Variants in NCKIPSD observed in about 807,000 individuals in gnomAD.
The protein encoded by NCKIPSD is NCK interacting protein with SH3 domain.
NCKIPSD carries 48 observed loss-of-function variants against 73.4 expected under a neutral mutation model. The observed-to-expected ratio is 0.65, with a 90% CI of 0.52 to 0.83. The LOEUF is 0.83. NCKIPSD is among the 40% of genes least tolerant of loss of function. The pLI is 0.00. For synonymous variants in NCKIPSD, 422 were observed against 403.6 expected, an observed-to-expected ratio of 1.05 and a Z score of -0.54; for missense variants, 884 against 970.2, an observed-to-expected ratio of 0.91 and a Z score of 1.18.
chr3:48,684,518 A>G (rs1033312098), intron 1 of NCKIPSD, among the ~76,000 whole-genome samples: 6 of 152,224 alleles, frequency 3.9e-5, no homozygotes, highest in African/African-American at 1.4e-4. Context: ...CCCAGGGCCC[A>G]TCCTTCCTGG....
At position 48,682,935 on chromosome 3, in the gene NCKIPSD, G is replaced by T. The variant is rs1405800991; in HGVS notation, c.249C>A (p.Gly83=). 2 of 1,552,892 alleles carry T rather than the reference G, an allele frequency of 1.3e-6. No individual in the cohort carries two copies. Among genetic ancestry groups the T allele is most frequent in the Non-Finnish European group, 1.7e-6 (2 of 1,148,454 alleles). Residue 83 remains glycine (G), a synonymous_variant, in exon 2 of 13, where the codon GGC becomes GGA. Transcript: ENST00000294129. Reference sequence around the variant, plus strand: ...CTCCACGCTGTTCCAGGCTGTACTTGCCACCATCCCGCATGGCTGTGTTGT... The same window carrying T: ...CTCCACGCTGTTCCAGGCTGTACTTTCCACCATCCCGCATGGCTGTGTTGT... ...AVHNTAMRDG[G]KYSLEQRGVL... is the part of the protein sequence containing the mutation.
Position 48,681,651 on chromosome 3 carries a change from G to A in NCKIPSD, c.728C>T (p.Pro243Leu). The A allele has an allele frequency of 6.2e-7, 1 of 1,611,414 alleles. No individual in the cohort carries two copies. The highest frequency in any genetic ancestry group is 1.1e-5 in the South Asian group (1 of 90,762). Residue 243 changes from proline to leucine, a missense_variant, in exon 5 of 13, where the codon CCC (proline) becomes CTC (leucine). Transcript: ENST00000294129. ...SEPGSSCSPTPPPVPRRGTHT... is the reference protein window; with the variant it reads ...SEPGSSCSPTLPPVPRRGTHT... ...GGTGCCTCGGCGGGGCACAGGTGGG[G>A]GTGTGGGTGAGCAGCTGGAGCCTGG... is the stretch of plus-strand genomic sequence containing the variant.
chr3:48,683,341 C>T (rs1020820549), intron 1 of NCKIPSD, among the ~76,000 whole-genome samples: 2 of 152,184 alleles, frequency 1.3e-5, no homozygotes, highest in Non-Finnish European at 2.9e-5. Flanking sequence ...CAGCTTGCAG[C>T]CAGGAGCGCA....
At chr3:48,685,063 G>T (rs1013294249) in intron 1 of NCKIPSD, among the ~76,000 whole-genome samples, 2 of 151,406 alleles carry the variant, frequency 1.3e-5, no homozygotes, top group African/African-American at 4.9e-5. Context: ...AGGTGTCTAT[G>T]GCTCTAGGGT....
chr3:48,678,172 TC>T (rs2077283567), intron 12 of NCKIPSD, among the ~76,000 whole-genome samples: 2 of 152,086 alleles, frequency 1.3e-5, no homozygotes, highest in South Asian at 4.1e-4. Context: ...CCCCACCCCA[TC>T]CATGCCACCT....
At position 48,685,816 on chromosome 3, in the gene NCKIPSD, G is replaced by T; in HGVS notation, c.-9C>A. 1 of 1,469,874 alleles carries T rather than the reference G, an allele frequency of 6.8e-7. No homozygotes were observed. The highest frequency in any genetic ancestry group is 8.9e-7 in the Non-Finnish European group (1 of 1,118,882). The allele number at this position is 1,469,874 out of a possible 1,614,324, so 91.1% of individuals were successfully genotyped here. On this transcript the variant is annotated 5_prime_UTR_variant, in exon 1 of 13. Coordinates refer to ENST00000294129, the MANE Select transcript of NCKIPSD (RefSeq NM_016453.4). ...TACAGCGCGCGGTACATGAGGCCGG[G>T]CAGGGCAGGTGCAGGGAAGGTGGCA...
At position 48,679,194 on chromosome 3, in the gene NCKIPSD, G is replaced by A. The variant is rs1349830114; in HGVS notation, c.1571-11C>T. On this transcript the variant is annotated splice_polypyrimidine_tract_variant and intron_variant, in intron 9 of 12. Transcript: ENST00000294129. ...GCGTGCCCAGGTGCTCTGGGAGAGG[G>A]GCGCACAGAAGTCTGCAGCCCCATT... 1.2e-6 allele frequency: 2 copies of A among 1,613,666 alleles called. No individual in the cohort carries two copies. Among genetic ancestry groups the A allele is most frequent in the Admixed American group, 1.7e-5 (1 of 59,970 alleles).
At chr3:48,680,378 A>AG in intron 5 of NCKIPSD, 149 bp from the exon 6 acceptor site, 1 of 868,966 alleles carries the variant, frequency 1.2e-6, no homozygotes, top group Non-Finnish European at 1.7e-6. Flanking sequence ...GCTCAACTCC[A>AG]GTCTTGATGA....
Position 48,682,881 on chromosome 3 carries a change from C to A in NCKIPSD, c.281+22G>T, listed in dbSNP as rs1485729362. 2.0e-6 allele frequency: 3 copies of A among 1,538,276 alleles called. No homozygotes were observed. The South Asian group carries it at 3.6e-5, about 18-fold the overall frequency. On this transcript the variant is annotated intron_variant, in intron 2 of 12. Transcript: ENST00000294129. ...CCACCATGCTCACCGGGAGGTCCCACTTCACTCCCCTCAACACTCACTGGA... is the reference window on the plus strand; with the variant it reads ...CCACCATGCTCACCGGGAGGTCCCAATTCACTCCCCTCAACACTCACTGGA...
intron 6 of NCKIPSD, 49 bp downstream of exon 6, chr3:48,680,010 G>C (rs756741978): frequency 6.2e-7 from 1 of 1,602,578 alleles, no homozygotes; most frequent in Non-Finnish European, 8.5e-7. Context: ...CTACAGGGTG[G>C]GGGCCACTGT....
At chr3:48,678,309 G>A (rs1460617573) in intron 12 of NCKIPSD, among the ~76,000 whole-genome samples, 6 of 152,032 alleles carry the variant, frequency 3.9e-5, no homozygotes, top group South Asian at 2.1e-4. Flanking sequence ...AGCAGCCTCC[G>A]AGGCTTTGTG....
rs774609289 is a variant in NCKIPSD, at chr3:48,682,095, G to A, written c.548C>T (p.Pro183Leu). ...QPRRAAPTTP[P>L]PPVKRRDREA... Reference sequence around the variant, plus strand: ...GCGGTCTCGGCGCTTCACTGGTGGGGGCGGTGTGGTGGGTGCTGCTCGGCG... The same window carrying A: ...GCGGTCTCGGCGCTTCACTGGTGGGAGCGGTGTGGTGGGTGCTGCTCGGCG... Residue 183 changes from proline (P) to leucine (L), a missense_variant, in exon 4 of 13, where the codon CCC (proline) becomes CTC (leucine). Pro to Leu is a moderately conservative substitution (Grantham distance 98). Transcript: ENST00000294129. 1 of 1,601,822 alleles carries A rather than the reference G, an allele frequency of 6.2e-7. No homozygotes were observed. The highest frequency in any genetic ancestry group is 8.5e-7 in the Non-Finnish European group (1 of 1,179,916).
At position 48,682,433 on chromosome 3, in the gene NCKIPSD, G is replaced by C. The variant is rs765797282; in HGVS notation, c.401C>G (p.Pro134Arg). Residue 134 changes from proline to arginine, a missense_variant, in exon 3 of 13, where the codon CCC becomes CGC. By Grantham distance (103) the Pro-to-Arg change is moderately radical. Coordinates refer to ENST00000294129, the MANE Select transcript of NCKIPSD (RefSeq NM_016453.4). Reference protein sequence around the residue: ...HHLDAAAARQPNGVCRAGFER... With the variant: ...HHLDAAAARQRNGVCRAGFER... ...GAACCCAGCTCGACACACCCCATTG[G>C]GCTGCCTGGCTGCAGCAGCATCCAA... 4 of 1,614,110 alleles carry C rather than the reference G, an allele frequency of 2.5e-6. No individual in the cohort carries two copies. The East Asian group carries it at 8.9e-5, about 36-fold the overall frequency.
At chr3:48,679,259 T>C in intron 9 of NCKIPSD, 76 bp from the exon 10 acceptor site, 1 of 1,610,092 alleles carries the variant, frequency 6.2e-7, no homozygotes, top group South Asian at 1.1e-5. Context: ...CCTGGCTTTC[T>C]GTGAGCCTTG....
intron 6 of NCKIPSD, 53 bp downstream of exon 6, chr3:48,680,006 G>A (rs1159550674): frequency 1.7e-5 from 28 of 1,602,556 alleles, no homozygotes; most frequent in Non-Finnish European, 4.3e-6. Context: ...GATGCTACAG[G>A]GTGGGGGCCA....
At chr3:48,682,574 T>C in intron 2 of NCKIPSD, 22 bp from the exon 3 acceptor site, 4 of 1,610,598 alleles carry the variant, frequency 2.5e-6, no homozygotes, top group Non-Finnish European at 2.5e-6. Flanking sequence ...ACAGGAAGAC[T>C]ATTGGGGGGT....
chr3:48,677,430 C>T (rs2077272642), intron 12 of NCKIPSD, among the ~76,000 whole-genome samples: 1 of 151,942 alleles, frequency 6.6e-6, no homozygotes, highest in East Asian at 1.9e-4. Context: ...AAACACTCTC[C>T]CTATCCCCAT....
chr3:48,681,277 C>A lies in NCKIPSD; in HGVS notation c.1092+10G>T. 1 of 1,580,834 alleles carries A rather than the reference C, an allele frequency of 6.3e-7. No homozygotes were observed. ...TAGCAGGGTGGCCCTGCTGTGCCGC[C>A]CACCCTCACCTTGCCCTCTACGAGT... On this transcript the variant is annotated intron_variant, in intron 5 of 12. Transcript: ENST00000294129.
chr3:48,685,880 G>A lies in NCKIPSD; in HGVS notation c.-73C>T, dbSNP rs1157864778. The A allele has an allele frequency of 1.5e-6, 2 of 1,309,528 alleles. No individual in the cohort carries two copies. Among genetic ancestry groups the A allele is most frequent in the East Asian group, 6.3e-5 (2 of 31,858 alleles). The allele number at this position is 1,309,528 out of a possible 1,614,324, so 81.1% of individuals were successfully genotyped here. Reference sequence around the variant, plus strand: ...CACAACGCCAGGCCGGGAGCGCCGAGCCGCGCCGCGGTTGTCCCGCCCCGT... The same window carrying A: ...CACAACGCCAGGCCGGGAGCGCCGAACCGCGCCGCGGTTGTCCCGCCCCGT... On this transcript the variant is annotated 5_prime_UTR_variant, in exon 1 of 13. Transcript: ENST00000294129.
Sources: allele counts gnomAD v4.1 joint callset (sites outside exome capture counted in the v4.1 genomes callset), GRCh38; gene constraint gnomAD v4.1.1; transcripts MANE v1.5; gene names NCBI Gene and HGNC (gene_info 2026-07-23, HGNC 2026-07-21).